The following EVI5 variants were observed in gnomAD, a reference collection of about 807,000 sequenced individuals.
EVI5 encodes ecotropic viral integration site 5, also known as ecotropic viral integration site 5 protein homolog.
A neutral mutation model predicts 112.0 loss-of-function variants in EVI5; 73 were observed. The observed-to-expected ratio is 0.65, with a 90% CI of 0.54 to 0.79. EVI5 has a LOEUF of 0.79. EVI5 is among the 30% of genes least tolerant of loss of function. The probability of loss-of-function intolerance (pLI) is 0.00; values close to 1 mark genes in which losing one functional copy is unlikely to be tolerated. For missense variants in EVI5, 900 were observed against 968.8 expected, an observed-to-expected ratio of 0.93 and a Z score of 0.94; for synonymous variants, 305 against 319.9, an observed-to-expected ratio of 0.95 and a Z score of 0.50.
intron 2 of EVI5, among the ~76,000 whole-genome samples, chr1:92,735,560 A>G (rs112018093): frequency 1.3e-5 from 2 of 148,616 alleles, no homozygotes; most frequent in Admixed American, 6.8e-5. Flanking sequence ...ACTGAGCACA[A>G]AAGGGTGCTC....
chr1:92,702,322 A>T, intron 4 of EVI5, 107 bp from the exon 5 acceptor site: 1 of 604,878 alleles, frequency 1.7e-6, no homozygotes, highest in Non-Finnish European at 2.9e-6. Flanking sequence ...TTTATTTTTG[A>T]GAAAAGCTCT....
At position 92,509,928 on chromosome 1, in the gene EVI5, TA is replaced by T. The variant is rs1254236024; in HGVS notation, c.*3727del. On this transcript the variant is annotated 3_prime_UTR_variant, in exon 20 of 20. Transcript: ENST00000684568. ...ATATCACAAAATGTCAGTAATTAAATAAAATTCATCGAGAACATTGTTCAAT... is the reference window on the plus strand; with the variant it reads ...ATATCACAAAATGTCAGTAATTAAATAAATTCATCGAGAACATTGTTCAAT... The T allele has an allele frequency of 6.6e-6, 1 of 152,168 alleles. No homozygotes were observed. The highest frequency in any genetic ancestry group is 1.5e-5 in the Non-Finnish European group (1 of 68,038). 9.4% of individuals were successfully genotyped at this position (152,168 alleles called of 1,614,324 possible).
At position 92,763,550 on chromosome 1, in the gene EVI5, C is replaced by T. The variant is rs114283895; in HGVS notation, c.-82+21286G>A. On this transcript the variant is annotated intron_variant, in intron 1 of 19. Coordinates refer to ENST00000684568, the MANE Select transcript of EVI5 (RefSeq NM_001350197.2). Reference sequence around the variant, plus strand: ...GAATCACTGGCACCCTGGAGTTTGACGCTGCAATGAGCTATGATCATGCCA... The same window carrying T: ...GAATCACTGGCACCCTGGAGTTTGATGCTGCAATGAGCTATGATCATGCCA... Among the ~76,000 whole-genome samples, 330 of 152,042 alleles carry T rather than the reference C, an allele frequency of 2.2e-3. 5 individuals carry two copies. Among genetic ancestry groups the T allele is most frequent in the African/African-American group, 7.6e-3 (317 of 41,462 alleles).
At chr1:92,683,756 A>G (rs781393343) in intron 9 of EVI5, among the ~76,000 whole-genome samples, 28 of 152,224 alleles carry the variant, frequency 1.8e-4, no homozygotes, top group Non-Finnish European at 3.2e-4. Context: ...GAACTTCGTG[A>G]CACATGCACA....
chr1:92,687,065 A>G (rs1668666340), intron 9 of EVI5, among the ~76,000 whole-genome samples: 1 of 152,234 alleles, frequency 6.6e-6, no homozygotes, highest in Non-Finnish European at 1.5e-5. Flanking sequence ...GAACCAAAAA[A>G]GAGCCCACAT....
intron 19 of EVI5, among the ~76,000 whole-genome samples, chr1:92,558,176 C>A (rs1362199246): frequency 6.6e-6 from 1 of 152,158 alleles, no homozygotes; most frequent in African/African-American, 2.4e-5. Flanking sequence ...CCGCCTATCT[C>A]CCTGGTGGTT....
chr1:92,726,925 T>C (rs1675658405), intron 2 of EVI5, among the ~76,000 whole-genome samples: 1 of 152,096 alleles, frequency 6.6e-6, no homozygotes, highest in African/African-American at 2.4e-5. Context: ...TTATAGCTTA[T>C]AAATCAATAA....
At chr1:92,587,886 A>C (rs1196409055) in intron 18 of EVI5, among the ~76,000 whole-genome samples, 1 of 152,256 alleles carries the variant, frequency 6.6e-6, no homozygotes, top group African/African-American at 2.4e-5. Context: ...ACAAAAATCA[A>C]TATGCTTATC....
intron 1 of EVI5, among the ~76,000 whole-genome samples, chr1:92,775,667 A>C (rs1684022760): frequency 6.6e-6 from 1 of 152,194 alleles, no homozygotes; most frequent in African/African-American, 2.4e-5. Context: ...TGCAACAGTG[A>C]AATTGTCTAA....
chr1:92,534,560 A>G (rs1663492624), intron 19 of EVI5, among the ~76,000 whole-genome samples: 1 of 152,248 alleles, frequency 6.6e-6, no homozygotes, highest in African/African-American at 2.4e-5. Flanking sequence ...CCAAAACAGC[A>G]TGGTACTGGT....
At chr1:92,671,278 A>G (rs1280088932) in intron 10 of EVI5, among the ~76,000 whole-genome samples, 4 of 152,186 alleles carry the variant, frequency 2.6e-5, no homozygotes, top group African/African-American at 9.6e-5. Context: ...AGTATTTGAC[A>G]TGGTAAATCC....
chr1:92,638,622 C>A (rs1486458051), intron 13 of EVI5, among the ~76,000 whole-genome samples: 1 of 152,136 alleles, frequency 6.6e-6, no homozygotes, highest in Non-Finnish European at 1.5e-5. Context: ...ACAATTATGA[C>A]AGCAGCTAAC....
At chr1:92,728,166 A>G (rs1675878328) in intron 2 of EVI5, among the ~76,000 whole-genome samples, 1 of 152,204 alleles carries the variant, frequency 6.6e-6, no homozygotes, top group Non-Finnish European at 1.5e-5. Flanking sequence ...GTCATTTTAC[A>G]AGAGGATATA....
At chr1:92,671,757 C>A (rs1558038639) in intron 10 of EVI5, among the ~76,000 whole-genome samples, 2 of 151,564 alleles carry the variant, frequency 1.3e-5, no homozygotes, top group Admixed American at 6.6e-5. Context: ...TATTTGAAAT[C>A]TATTCAGAAT....
At chr1:92,617,693 G>C (rs1040114990) in intron 16 of EVI5, among the ~76,000 whole-genome samples, 1 of 152,212 alleles carries the variant, frequency 6.6e-6, no homozygotes, top group African/African-American at 2.4e-5. Flanking sequence ...CCAACACTGA[G>C]CCCTTGATAT....
chr1:92,764,394 AT>A (rs1466113702), intron 1 of EVI5, among the ~76,000 whole-genome samples: 2 of 152,238 alleles, frequency 1.3e-5, no homozygotes, highest in African/African-American at 4.8e-5. Context: ...AATATTTAAA[AT>A]GATAGTAGAC....
chr1:92,773,389 A>G (rs1398946977), intron 1 of EVI5, among the ~76,000 whole-genome samples: 1 of 152,222 alleles, frequency 6.6e-6, no homozygotes, highest in Non-Finnish European at 1.5e-5. Flanking sequence ...AAAAGAAAAC[A>G]CACTGTTATT....
intron 16 of EVI5, among the ~76,000 whole-genome samples, chr1:92,611,690 C>T (rs1231522000): frequency 2.0e-5 from 2 of 101,564 alleles, no homozygotes; most frequent in Admixed American, 2.6e-4. Context: ...CAGAGTGAGA[C>T]TCCGTCACAA....
chr1:92,550,685 T>C lies in EVI5; in HGVS notation c.2166+12957A>G, dbSNP rs535753964. ...TGGTGTGAACCTGGGAGGCAGAGCT[T>C]GCAGTGAGCCGACATCTGGCCACTG... is the stretch of plus-strand genomic sequence containing the variant. On this transcript the variant is annotated intron_variant, in intron 19 of 19. Transcript: ENST00000684568. Among the ~76,000 whole-genome samples the C allele has an allele frequency of 5.2e-4, 66 of 126,818 alleles. No individual in the cohort carries two copies. In the East Asian group the frequency reaches 0.016, roughly 30 times the overall value. 83.2% of individuals were successfully genotyped at this position (126,818 alleles called of 152,430 possible).
Sources: gnomAD v4.1 joint callset for allele counts (sites outside exome capture counted in the v4.1 genomes callset) on GRCh38, gnomAD v4.1.1 for gene constraint, MANE v1.5 for transcripts, NCBI Gene and HGNC (gene_info 2026-07-23, HGNC 2026-07-21) for gene names.